The following CPB2 variants were observed in gnomAD, a reference collection of about 807,000 sequenced individuals.
CPB2 encodes the protein carboxypeptidase B-like protein.
In CPB2, 54 loss-of-function variants were observed where a neutral mutation model predicts 57.0. The observed-to-expected ratio is 0.95, with a 90% CI of 0.76 to 1.19. The LOEUF is 1.19. Ranked by LOEUF, CPB2 falls within the 50% of genes most tolerant of loss-of-function variation. The probability of loss-of-function intolerance (pLI) is 0.00; values close to 1 mark genes in which losing one functional copy is unlikely to be tolerated. For missense variants in CPB2, 426 were observed against 512.0 expected, an observed-to-expected ratio of 0.83 and a Z score of 1.62; for synonymous variants, 189 against 178.1, an observed-to-expected ratio of 1.06 and a Z score of -0.49.
chr13:46,088,361 T>G (rs1381616989), intron 1 of CPB2, among the ~76,000 whole-genome samples: 1 of 152,246 alleles, frequency 6.6e-6, no homozygotes, highest in Non-Finnish European at 1.5e-5. Context: ...GTGTGAATTC[T>G]GAAACAATAC....
chr13:46,099,952 G>A (rs1476306591), intron 1 of CPB2: 2 of 152,272 alleles, frequency 1.3e-5, no homozygotes, highest in Non-Finnish European at 2.9e-5. Context: ...TTGAACCCAC[G>A]AGGTGGAGGT....
Position 46,064,619 on chromosome 13 carries a change from CATTGCAAGAA to C in CPB2, c.796+19_796+28del. The C allele has an allele frequency of 2.6e-6, 4 of 1,559,698 alleles. No homozygotes were observed. The highest frequency in any genetic ancestry group is 3.5e-6 in the Non-Finnish European group (4 of 1,130,514). On this transcript the variant is annotated intron_variant, in intron 8 of 10. Coordinates refer to ENST00000181383, the MANE Select transcript of CPB2 (RefSeq NM_001872.5). ...GAACATCACCCTTTCAGTGAAGAGA[CATTGCAAGAA>C]ATAAAGCCAACAACCTACCACACCA...
intron 8 of CPB2, 122 bp downstream of exon 8, chr13:46,064,526 T>C (rs533642467): frequency 1.0e-5 from 8 of 771,402 alleles, no homozygotes; most frequent in Non-Finnish European, 1.7e-5. Context: ...GCATTTATCA[T>C]TTAAATTATT....
intron 7 of CPB2, among the ~76,000 whole-genome samples, chr13:46,064,983 T>C (rs2044832041): frequency 6.6e-6 from 1 of 152,228 alleles, no homozygotes; most frequent in South Asian, 2.1e-4. Flanking sequence ...TAATATTTGA[T>C]CAATTTTGAC....
In CPB2 at chr13:46,055,843, C is replaced by G; in HGVS notation, c.1006G>C (p.Val336Leu). The stretch of plus-strand genomic sequence containing the variant: ...ATAGCACGAACTGCTTCACTGGCTA[C>G]TAGAGACTGGAAGCAACAAGATATA... Reference protein sequence around the residue: ...KSKDHEELSLVASEAVRAIEK... With the variant: ...KSKDHEELSLLASEAVRAIEK... The change falls in exon 10 of 11, where the codon GTA becomes CTA. Residue 336 changes from valine (V) to leucine (L), a missense_variant. Val to Leu is a conservative substitution (Grantham distance 32, BLOSUM62 1). Coordinates refer to ENST00000181383, the MANE Select transcript of CPB2 (RefSeq NM_001872.5). The G allele has an allele frequency of 6.3e-7, 1 of 1,582,614 alleles. No individual in the cohort carries two copies. The highest frequency in any genetic ancestry group is 8.6e-7 in the Non-Finnish European group (1 of 1,158,308).
chr13:46,060,882 G>A (rs945540224), intron 8 of CPB2, among the ~76,000 whole-genome samples: 3 of 152,140 alleles, frequency 2.0e-5, no homozygotes, highest in Non-Finnish European at 4.4e-5. Flanking sequence ...GGCCTCATCT[G>A]TACCAGGAAG....
intron 6 of CPB2, among the ~76,000 whole-genome samples, chr13:46,068,962 G>A (rs1337688208): frequency 1.3e-5 from 2 of 152,112 alleles, no homozygotes; most frequent in Non-Finnish European, 2.9e-5. Flanking sequence ...AAAATATTAG[G>A]AGAGCCTGTT....
At chr13:46,063,535 G>A (rs890754919) in intron 8 of CPB2, among the ~76,000 whole-genome samples, 24 of 152,242 alleles carry the variant, frequency 1.6e-4, no homozygotes, top group African/African-American at 5.1e-4. Context: ...ATTCCATGAT[G>A]TATATTTACC....
intron 1 of CPB2, among the ~76,000 whole-genome samples, chr13:46,090,565 T>C (rs1016222630): frequency 6.6e-6 from 1 of 151,666 alleles, no homozygotes; most frequent in Non-Finnish European, 1.5e-5. Context: ...GGTTTCACCA[T>C]GTTAGTCAGG....
intron 10 of CPB2, among the ~76,000 whole-genome samples, chr13:46,055,177 T>A (rs563171149): frequency 3.0e-4 from 46 of 152,064 alleles, no homozygotes; most frequent in Non-Finnish European, 5.0e-4. Flanking sequence ...CCATCTCCCT[T>A]CAAACTTCAA....
In CPB2 at chr13:46,058,219, T is replaced by C. The variant is rs576834540; in HGVS notation, c.959A>G (p.Tyr320Cys). The change falls in exon 9 of 11, where the codon TAT becomes TGT. Residue 320 changes from tyrosine (Y) to cysteine (C), a missense_variant. Tyr to Cys is a radical substitution (Grantham distance 194). Coordinates refer to ENST00000181383, the MANE Select transcript of CPB2 (RefSeq NM_001872.5). ...TTTGCTTTTACTTCGTGTATAGGAA[T>C]ATGGAAACACTATATGCTGGGAGTA... ...HSYSQHIVFPYSYTRSKSKDH... is the reference protein window; with the variant it reads ...HSYSQHIVFPCSYTRSKSKDH... 2 of 1,614,040 alleles carry C rather than the reference T, an allele frequency of 1.2e-6. No homozygotes were observed. Among genetic ancestry groups the C allele is most frequent in the African/African-American group, 1.3e-5 (1 of 75,040 alleles).
intron 1 of CPB2, among the ~76,000 whole-genome samples, chr13:46,090,112 A>G (rs2045269514): frequency 6.6e-6 from 1 of 151,648 alleles, no homozygotes; most frequent in Admixed American, 6.6e-5. Flanking sequence ...TTACATCCTA[A>G]TATCTTAGAG....
intron 6 of CPB2, among the ~76,000 whole-genome samples, chr13:46,068,746 G>T (rs2044893974): frequency 6.7e-6 from 1 of 148,432 alleles, no homozygotes; most frequent in Non-Finnish European, 1.5e-5. Context: ...CTGTGTCCAT[G>T]TGTTCTCATT....
At chr13:46,091,239 C>T (rs1350299597) in intron 1 of CPB2, among the ~76,000 whole-genome samples, 1 of 152,180 alleles carries the variant, frequency 6.6e-6, no homozygotes, top group Non-Finnish European at 1.5e-5. Flanking sequence ...ATTACATCTG[C>T]ACACACTATT....
chr13:46,096,300 C>G (rs1337099407), intron 1 of CPB2: 1 of 152,914 alleles, frequency 6.5e-6, no homozygotes, highest in Non-Finnish European at 1.5e-5. Flanking sequence ...ATTGCAGTCT[C>G]ATGGCTCTCC....
intron 3 of CPB2, among the ~76,000 whole-genome samples, chr13:46,083,663 G>A (rs1358735957): frequency 5.3e-5 from 8 of 152,102 alleles, no homozygotes; most frequent in African/African-American, 1.9e-4. Flanking sequence ...CCACAGGGTA[G>A]GTGCTGTTTT....
intron 5 of CPB2, among the ~76,000 whole-genome samples, chr13:46,078,064 G>A (rs894321853): frequency 1.9e-4 from 29 of 152,174 alleles, no homozygotes; most frequent in African/African-American, 6.5e-4. Flanking sequence ...AACTTAAAAT[G>A]TTCCCAACAC....
At chr13:46,076,867 GA>G (rs1295193859) in intron 5 of CPB2, among the ~76,000 whole-genome samples, 2 of 152,134 alleles carry the variant, frequency 1.3e-5, no homozygotes, top group African/African-American at 4.8e-5. Context: ...ATGGTATTGG[GA>G]AAAATTTTAT....
At chr13:46,084,882 T>G (rs2045177124) in intron 2 of CPB2, among the ~76,000 whole-genome samples, 2 of 151,672 alleles carry the variant, frequency 1.3e-5, no homozygotes, top group East Asian at 3.9e-4. Flanking sequence ...AGACGGAGTC[T>G]GGCTGTCTCC....
Sources: allele counts gnomAD v4.1 joint callset (sites outside exome capture counted in the v4.1 genomes callset), GRCh38; gene constraint gnomAD v4.1.1; transcripts MANE v1.5; gene names NCBI Gene and HGNC (gene_info 2026-07-23, HGNC 2026-07-21).